CREB5: variants seen among roughly 807,000 people sequenced by gnomAD.
The protein encoded by CREB5 is cAMP responsive element binding protein 5, also known as cyclic AMP-responsive element-binding protein 5.
In CREB5, 19 loss-of-function variants were observed where a neutral mutation model predicts 57.1. The observed-to-expected ratio is 0.33, with a 90% CI of 0.23 to 0.49. The LOEUF (loss-of-function observed/expected upper bound fraction) is 0.49, where lower values mean the gene tolerates loss of function less well. Ranked by LOEUF, CREB5 falls within the 20% of genes least tolerant of loss-of-function variation. The probability of loss-of-function intolerance (pLI) is 0.99; values close to 1 mark genes in which losing one functional copy is unlikely to be tolerated. For synonymous variants in CREB5, 238 were observed against 238.3 expected (o/e 1.00, Z 0.01); for missense variants, 579 against 671.6 (o/e 0.86, Z 1.52).
chr7:28,659,778 G>A (rs745879290), intron 5 of CREB5, among the ~76,000 whole-genome samples: 2 of 152,078 alleles, frequency 1.3e-5, no homozygotes, highest in African/African-American at 2.4e-5. Flanking sequence ...GACAAACTGA[G>A]TCCATATGCC....
At chr7:28,602,108 C>G (rs1253466879) in intron 5 of CREB5, among the ~76,000 whole-genome samples, 1 of 151,816 alleles carries the variant, frequency 6.6e-6, no homozygotes, top group Non-Finnish European at 1.5e-5. Flanking sequence ...TCAGAATTCA[C>G]AAATTTGGGC....
At chr7:28,454,089 G>A (rs1216961434) in intron 1 of CREB5, among the ~76,000 whole-genome samples, 1 of 151,736 alleles carries the variant, frequency 6.6e-6, no homozygotes, top group Non-Finnish European at 1.5e-5. Context: ...GAGTAGCTGG[G>A]ACTACAGGCA....
At chr7:28,659,772 A>G (rs1311881018) in intron 5 of CREB5, among the ~76,000 whole-genome samples, 2 of 152,340 alleles carry the variant, frequency 1.3e-5, no homozygotes, top group African/African-American at 4.8e-5. Flanking sequence ...CAAGATGACA[A>G]ACTGAGTCCA....
rs377429651 is a variant in CREB5, at chr7:28,719,550, A to G, written c.591+671A>G. ...TAGAGCCCACTCTCTTAACCACTAT[A>G]TGATATGCACACACTCTCTCCTTTC... On this transcript the variant is annotated intron_variant, in intron 6 of 10. Coordinates refer to ENST00000357727, the MANE Select transcript of CREB5 (RefSeq NM_182898.4). Among the ~76,000 whole-genome samples the G allele has an allele frequency of 1.1e-4, 16 of 152,254 alleles. 1 individual carries two copies. The East Asian group carries it at 2.3e-3, about 22-fold the overall frequency.
intron 5 of CREB5, among the ~76,000 whole-genome samples, chr7:28,633,674 A>G (rs1414228707): frequency 6.6e-6 from 1 of 152,178 alleles, no homozygotes; most frequent in East Asian, 1.9e-4. Flanking sequence ...GAACACTCTG[A>G]AGCTACCAGC....
chr7:28,807,118 G>A (rs1808771926), intron 8 of CREB5, among the ~76,000 whole-genome samples: 1 of 152,174 alleles, frequency 6.6e-6, no homozygotes, highest in South Asian at 2.1e-4. Flanking sequence ...CTATAATCGG[G>A]AGGAAAAGAG....
chr7:28,423,529 A>G (rs952321670), intron 1 of CREB5, among the ~76,000 whole-genome samples: 1 of 152,144 alleles, frequency 6.6e-6, no homozygotes, highest in African/African-American at 2.4e-5. Flanking sequence ...AAGAGGCAAG[A>G]GCAGTATGAC....
chr7:28,638,977 G>T (rs1332760130), intron 5 of CREB5, among the ~76,000 whole-genome samples: 1 of 152,118 alleles, frequency 6.6e-6, no homozygotes, highest in East Asian at 1.9e-4. Flanking sequence ...TAACAGATCT[G>T]CTTATTTTAA....
chr7:28,822,468 C>A lies in CREB5; in HGVS notation c.*3189C>A, dbSNP rs1392031579. The stretch of plus-strand genomic sequence containing the variant: ...TCCCTCAGCCAGTTACTGGGTCACC[C>A]ATCCATGTGTTCATGAATCAATCAT... On this transcript the variant is annotated 3_prime_UTR_variant, in exon 11 of 11. Transcript: ENST00000357727. 1.3e-5 allele frequency: 2 copies of A among 152,634 alleles called. No homozygotes were observed. Among genetic ancestry groups the A allele is most frequent in the African/African-American group, 4.8e-5 (2 of 41,436 alleles). 9.5% of individuals were successfully genotyped at this position (152,634 alleles called of 1,614,324 possible). A position where few individuals can be genotyped will look rare whatever the true frequency, so the allele number is the denominator to read the frequency against.
chr7:28,332,214 T>C (rs1785730197), intron 1 of CREB5, among the ~76,000 whole-genome samples: 1 of 152,156 alleles, frequency 6.6e-6, no homozygotes, highest in African/African-American at 2.4e-5. Flanking sequence ...TGGAAGCGAT[T>C]CTCCCGAGAA....
At chr7:28,623,648 A>G (rs1797886276) in intron 5 of CREB5, among the ~76,000 whole-genome samples, 1 of 152,198 alleles carries the variant, frequency 6.6e-6, no homozygotes, top group African/African-American at 2.4e-5. Context: ...ATTTGAGTGA[A>G]AACATATCTC....
At chr7:28,788,275 A>G (rs1252715003) in intron 7 of CREB5, among the ~76,000 whole-genome samples, 1 of 152,158 alleles carries the variant, frequency 6.6e-6, no homozygotes, top group Admixed American at 6.5e-5. Context: ...GTGACAATCA[A>G]AAGTGTCTCC....
chr7:28,743,871 C>G (rs1583655443), intron 7 of CREB5, among the ~76,000 whole-genome samples: 1 of 86,644 alleles, frequency 1.2e-5, no homozygotes, highest in Non-Finnish European at 2.1e-5. Flanking sequence ...TTATTATACT[C>G]TAAGTTTTAG....
intron 5 of CREB5, among the ~76,000 whole-genome samples, chr7:28,637,125 G>C (rs1487308788): frequency 6.6e-6 from 1 of 152,040 alleles, no homozygotes; most frequent in East Asian, 1.9e-4. Context: ...CTGTACTCCA[G>C]CCTGGGTAAC....
intron 5 of CREB5, among the ~76,000 whole-genome samples, chr7:28,600,223 G>A (rs1483300879): frequency 2.6e-5 from 4 of 152,106 alleles, no homozygotes; most frequent in South Asian, 2.1e-4. Context: ...GTGCCTTGGT[G>A]GATTGAAGGG....
At chr7:28,392,864 C>T (rs770111290) in intron 1 of CREB5, among the ~76,000 whole-genome samples, 2 of 152,152 alleles carry the variant, frequency 1.3e-5, no homozygotes, top group Admixed American at 6.5e-5. Context: ...CACCTCAGAC[C>T]CTCTTTGTTT....
intron 7 of CREB5, among the ~76,000 whole-genome samples, chr7:28,753,216 T>A (rs1805085296): frequency 6.6e-6 from 1 of 152,162 alleles, no homozygotes; most frequent in South Asian, 2.1e-4. Context: ...ATAATCTAAA[T>A]GCCCAATAAA....
chr7:28,571,229 G>T (rs1286900002), intron 5 of CREB5, among the ~76,000 whole-genome samples: 5 of 152,218 alleles, frequency 3.3e-5, no homozygotes, highest in East Asian at 1.9e-4. Flanking sequence ...CTTGTGAATT[G>T]TTTATTTCTG....
At chr7:28,674,282 T>C (rs1158689004) in intron 5 of CREB5, among the ~76,000 whole-genome samples, 10 of 152,026 alleles carry the variant, frequency 6.6e-5, no homozygotes, top group African/African-American at 2.2e-4. Context: ...TGAGAGTGAG[T>C]TGACTTTTAA....
Sources: gnomAD v4.1 joint callset for allele counts (sites outside exome capture counted in the v4.1 genomes callset) on GRCh38, gnomAD v4.1.1 for gene constraint, MANE v1.5 for transcripts, NCBI Gene and HGNC (gene_info 2026-07-23, HGNC 2026-07-21) for gene names.